The following CHUK variants were observed in gnomAD, a reference collection of about 807,000 sequenced individuals.
CHUK encodes the protein inhibitor of nuclear factor kappa-B kinase subunit alpha.
A neutral mutation model predicts 104.8 loss-of-function variants in CHUK; 35 were observed. The observed-to-expected ratio is 0.33, with a 90% CI of 0.26 to 0.44. The LOEUF is 0.44. Ranked by LOEUF, CHUK falls within the 20% of genes least tolerant of loss-of-function variation. The probability of loss-of-function intolerance (pLI) is 1.00; values close to 1 mark genes in which losing one functional copy is unlikely to be tolerated. For synonymous variants in CHUK, 276 were observed against 291.9 expected, an observed-to-expected ratio of 0.95 and a Z score of 0.56; for missense variants, 663 against 902.7, an observed-to-expected ratio of 0.73 and a Z score of 3.40.
At chr10:100,227,456 C>G (rs963559120) in intron 1 of CHUK, among the ~76,000 whole-genome samples, 10 of 152,178 alleles carry the variant, frequency 6.6e-5, no homozygotes, top group African/African-American at 2.4e-4. Context: ...GTCACAAAAG[C>G]TGCCAGCATG....
chr10:100,228,991 G>GCA (rs576139683), intron 1 of CHUK, among the ~76,000 whole-genome samples: 3,643 of 114,840 alleles, frequency 0.032, 46 homozygotes, highest in Middle Eastern at 0.047. Context: ...GCGCGCGCGC[G>GCA]CGCACACACA....
intron 1 of CHUK, among the ~76,000 whole-genome samples, chr10:100,229,207 C>T (rs1251224870): frequency 6.6e-6 from 1 of 152,164 alleles, no homozygotes; most frequent in Non-Finnish European, 1.5e-5. Context: ...TACCCAAGTT[C>T]CCCGCAACAG....
rs1261700962 is a variant in CHUK at position 100,222,137 on chromosome 10, C to T, written c.360G>A (p.Gln120=). Residue 120 remains glutamine, a synonymous_variant, in exon 4 of 21, where the codon CAG becomes CAA. Coordinates refer to ENST00000370397, the MANE Select transcript of CHUK (RefSeq NM_001278.5). The stretch of plus-strand genomic sequence containing the variant: ...CTATATCACTTAGTAAAGAAAGTAT[C>T]TGGCTTTCTTTAAGTCCACAACAAT... The part of the protein sequence containing the change: ...PENCCGLKES[Q]ILSLLSDIGS... 6 of 1,588,608 alleles carry T rather than the reference C, an allele frequency of 3.8e-6. No homozygotes were observed. Among genetic ancestry groups the T allele is most frequent in the Non-Finnish European group, 5.2e-6 (6 of 1,158,170 alleles).
At chr10:100,211,733 T>A (rs1845732854) in intron 9 of CHUK, among the ~76,000 whole-genome samples, 1 of 152,228 alleles carries the variant, frequency 6.6e-6, no homozygotes, top group Admixed American at 6.5e-5. Flanking sequence ...CATTCATCTG[T>A]CAAAGGACAT....
rs1235022256 is a variant in CHUK at position 100,195,379 on chromosome 10, A to C, written c.1730-858T>G. 4 of 152,216 alleles carry C rather than the reference A, an allele frequency of 2.6e-5. No individual in the cohort carries two copies. The East Asian group carries it at 7.7e-4, about 29-fold the overall frequency. The allele number at this position is 152,216 out of a possible 1,614,324, so 9.4% of individuals were successfully genotyped here. ...TGTTACCCCCATTTTACCAAAAAGG[A>C]AATGATGAGCATCAAAGGAGGTTTA... On this transcript the variant is annotated intron_variant, in intron 16 of 20. Coordinates refer to ENST00000370397, the MANE Select transcript of CHUK (RefSeq NM_001278.5).
chr10:100,220,741 T>A, intron 4 of CHUK, 65 bp from the exon 5 acceptor site: 1 of 1,016,542 alleles, frequency 9.8e-7, no homozygotes, highest in Non-Finnish European at 1.5e-6. Context: ...AAAATTCACC[T>A]CACATTTTGT....
At chr10:100,210,942 T>C (rs1245023272) in intron 9 of CHUK, among the ~76,000 whole-genome samples, 2 of 152,334 alleles carry the variant, frequency 1.3e-5, no homozygotes, top group African/African-American at 2.4e-5. Context: ...TAAATTCTCT[T>C]CCTTCCAGTA....
intron 10 of CHUK, among the ~76,000 whole-genome samples, chr10:100,208,567 C>T (rs963612050): frequency 2.0e-5 from 3 of 152,048 alleles, no homozygotes; most frequent in East Asian, 3.9e-4. Context: ...TTCAGGAGGC[C>T]GAGGTAGGCA....
chr10:100,211,860 T>C (rs1308986616), intron 9 of CHUK, among the ~76,000 whole-genome samples: 1 of 150,928 alleles, frequency 6.6e-6, no homozygotes, highest in Non-Finnish European at 1.5e-5. Context: ...GAAATGACAT[T>C]GTTGAATCTT....
At chr10:100,222,055 T>C (rs1846000641) in intron 4 of CHUK, 57 bp downstream of exon 4, 1 of 885,418 alleles carries the variant, frequency 1.1e-6, no homozygotes, top group African/African-American at 1.6e-5. Context: ...CCCAAAAAGA[T>C]CTTTTATGGG....
rs12780177 is a variant in CHUK, at chr10:100,210,054, G to A, written c.934-265C>T. 0.075 allele frequency among the ~76,000 whole-genome samples: 11,126 copies of A among 148,496 alleles called. 563 individuals are homozygous for A. Among genetic ancestry groups the A allele is most frequent in the African/African-American group, 0.14 (5,615 of 39,240 alleles). On this transcript the variant is annotated intron_variant, in intron 9 of 20. Transcript: ENST00000370397. ...TCAAAATTAAGAAAAATCCCAATTT[G>A]AAAGAACAAGTTATTTATTTATTTA...
intron 9 of CHUK, among the ~76,000 whole-genome samples, chr10:100,214,003 G>T (rs1470224419): frequency 6.6e-6 from 1 of 152,038 alleles, no homozygotes; most frequent in Non-Finnish European, 1.5e-5. Flanking sequence ...ATACGGATTT[G>T]CAATACAATT....
chr10:100,200,180 T>G (rs1397038785), intron 15 of CHUK, among the ~76,000 whole-genome samples, 160 bp from the exon 16 acceptor site: 3 of 152,240 alleles, frequency 2.0e-5, no homozygotes, highest in Admixed American at 6.5e-5. Context: ...TAATAAGAAC[T>G]ATACAAGTTC....
intron 9 of CHUK, among the ~76,000 whole-genome samples, chr10:100,211,157 A>G (rs1845718998): frequency 1.3e-5 from 2 of 152,212 alleles, no homozygotes; most frequent in East Asian, 1.9e-4. Context: ...CAACAGTACA[A>G]TAAGCCCCCT....
chr10:100,222,209 T>A (rs1224024650), intron 3 of CHUK, 28 bp from the exon 4 acceptor site: 1 of 1,357,214 alleles, frequency 7.4e-7, no homozygotes, highest in Non-Finnish European at 1.0e-6. Flanking sequence ...TCTAAAAATC[T>A]GTTCTGCAAA....
chr10:100,210,366 C>T (rs1433727518), intron 9 of CHUK, among the ~76,000 whole-genome samples: 2 of 152,064 alleles, frequency 1.3e-5, no homozygotes, highest in African/African-American at 4.8e-5. Context: ...GGATTACAGG[C>T]GTGAGCCACC....
At chr10:100,199,736 C>A (rs538692739) in intron 16 of CHUK, among the ~76,000 whole-genome samples, 1 of 152,092 alleles carries the variant, frequency 6.6e-6, no homozygotes, top group African/African-American at 2.4e-5. Context: ...TTTCTTTTCA[C>A]GTCCCCTTCT....
At chr10:100,193,548 G>C (rs1845254452) in intron 18 of CHUK, 117 bp from the exon 19 acceptor site, 1 of 1,174,910 alleles carries the variant, frequency 8.5e-7, no homozygotes, top group Non-Finnish European at 1.2e-6. Flanking sequence ...TGCACAACCA[G>C]AGTATTTCAG....
intron 2 of CHUK, among the ~76,000 whole-genome samples, chr10:100,224,980 A>C (rs1458024032): frequency 6.6e-6 from 1 of 150,812 alleles, no homozygotes; most frequent in African/African-American, 2.4e-5. Flanking sequence ...CTCCCAAGTA[A>C]CTGGGACTAC....
Sources: allele counts gnomAD v4.1 joint callset (sites outside exome capture counted in the v4.1 genomes callset), GRCh38; gene constraint gnomAD v4.1.1; transcripts MANE v1.5; gene names NCBI Gene and HGNC (gene_info 2026-07-23, HGNC 2026-07-21).